COL21A1: variants seen among roughly 807,000 people sequenced by gnomAD.
COL21A1 encodes the protein collagen alpha-1(XXI) chain.
In COL21A1, 149 loss-of-function variants were observed where a neutral mutation model predicts 137.9. That is an observed-to-expected ratio of 1.08 (90% CI 0.95 to 1.24). The LOEUF is 1.24. Among genes scored for constraint, COL21A1 ranks in the 50% most tolerant of loss-of-function variants. The pLI is 0.00. For missense variants in COL21A1, 1,167 were observed against 1,158.4 expected (o/e 1.01, Z -0.11); for synonymous variants, 456 against 391.5 (o/e 1.16, Z -1.95).
At chr6:56,267,911 C>T (rs1763432860) in intron 1 of COL21A1, among the ~76,000 whole-genome samples, 1 of 152,092 alleles carries the variant, frequency 6.6e-6, no homozygotes, top group South Asian at 2.1e-4. Flanking sequence ...AGAAAACATA[C>T]TTTGAGCAGA....
Position 56,179,685 on chromosome 6 carries a change from T to C in COL21A1, c.533A>G (p.Glu178Gly). 1 of 1,613,976 alleles carries C rather than the reference T, an allele frequency of 6.2e-7. No individual in the cohort carries two copies. Among genetic ancestry groups the C allele is most frequent in the Non-Finnish European group, 8.5e-7 (1 of 1,179,876 alleles). Residue 178 changes from glutamate to glycine, a missense_variant, in exon 3 of 30, where the codon GAA becomes GGA. Transcript: ENST00000244728. Reference sequence around the variant, plus strand: ...AGGCTTGTTGGCAATAGCTCTAAGTTCGGCATCTTCTGTTTCTGAACCAAC... The same window carrying C: ...AGGCTTGTTGGCAATAGCTCTAAGTCCGGCATCTTCTGTTTCTGAACCAAC... Reference protein sequence around the residue: ...IGVGSETEDAELRAIANKPSS... With the variant: ...IGVGSETEDAGLRAIANKPSS...
intron 1 of COL21A1, among the ~76,000 whole-genome samples, chr6:56,257,552 T>C (rs2152330087): frequency 6.6e-6 from 1 of 152,182 alleles, no homozygotes; most frequent in Admixed American, 6.5e-5. Context: ...AGCCCCCAAA[T>C]TGTGGATTGG....
intron 9 of COL21A1, among the ~76,000 whole-genome samples, chr6:56,161,739 A>G (rs1298280273): frequency 6.6e-6 from 1 of 152,166 alleles, no homozygotes; most frequent in Non-Finnish European, 1.5e-5. Flanking sequence ...GATGCCTGAT[A>G]AAGAGTTACA....
chr6:56,364,444 T>C (rs1255633310), intron 1 of COL21A1, among the ~76,000 whole-genome samples: 2 of 152,212 alleles, frequency 1.3e-5, no homozygotes, highest in Non-Finnish European at 2.9e-5. Flanking sequence ...AACAGATGAA[T>C]AAGGTTTCCC....
chr6:56,208,309 GA>G (rs1779927107), intron 1 of COL21A1, among the ~76,000 whole-genome samples: 1 of 152,188 alleles, frequency 6.6e-6, no homozygotes, highest in South Asian at 2.1e-4. Context: ...TCCTTAAGCT[GA>G]TAAGCAACTT....
chr6:56,280,756 T>C (rs1022156145), intron 1 of COL21A1, among the ~76,000 whole-genome samples: 24 of 152,162 alleles, frequency 1.6e-4, no homozygotes, highest in Non-Finnish European at 5.9e-5. Flanking sequence ...CTCACGACTA[T>C]AATCCTAACA....
At chr6:56,336,190 A>G (rs1765327600) in intron 1 of COL21A1, among the ~76,000 whole-genome samples, 1 of 152,178 alleles carries the variant, frequency 6.6e-6, no homozygotes, top group Admixed American at 6.5e-5. Flanking sequence ...TTCCCCACTG[A>G]CCAAATCAAG....
chr6:56,174,087 C>T (rs1003749683), intron 3 of COL21A1, among the ~76,000 whole-genome samples: 1 of 151,842 alleles, frequency 6.6e-6, no homozygotes, highest in African/African-American at 2.4e-5. Context: ...TTTTGAATAG[C>T]CATCAGGTCA....
At chr6:56,120,836 T>TATGATCC (rs1431260140) in intron 16 of COL21A1, among the ~76,000 whole-genome samples, 6 of 150,468 alleles carry the variant, frequency 4.0e-5, no homozygotes, top group Non-Finnish European at 8.9e-5. Flanking sequence ...GGAGCTACCA[T>TATGATCC]ATGATCCAGC....
chr6:56,129,027 T>C (rs1007839747), intron 12 of COL21A1, among the ~76,000 whole-genome samples: 5 of 152,190 alleles, frequency 3.3e-5, no homozygotes, highest in Admixed American at 1.3e-4. Context: ...CTTTCTCTTC[T>C]CCAGAAAATA....
intron 1 of COL21A1, among the ~76,000 whole-genome samples, chr6:56,384,942 T>C (rs1344215756): frequency 6.6e-6 from 1 of 152,120 alleles, no homozygotes; most frequent in Non-Finnish European, 1.5e-5. Context: ...AAGGTCACAA[T>C]TGCAAGGATA....
intron 1 of COL21A1, among the ~76,000 whole-genome samples, chr6:56,385,628 T>A (rs1331711270): frequency 6.6e-6 from 1 of 152,116 alleles, no homozygotes; most frequent in Admixed American, 6.6e-5. Context: ...ATATAGTACA[T>A]CCACAGTGTT....
intron 1 of COL21A1, among the ~76,000 whole-genome samples, chr6:56,281,091 A>G (rs1046004370): frequency 1.3e-5 from 2 of 152,158 alleles, no homozygotes; most frequent in Non-Finnish European, 2.9e-5. Flanking sequence ...CTTTCCTATG[A>G]TCCTCACAGC....
At chr6:56,102,660 C>A (rs1399973813) in intron 16 of COL21A1, among the ~76,000 whole-genome samples, 4 of 152,106 alleles carry the variant, frequency 2.6e-5, no homozygotes, top group Non-Finnish European at 5.9e-5. Flanking sequence ...AAATAAAGCA[C>A]AGAAGCACCT....
upstream of COL21A1, among the ~76,000 whole-genome samples, chr6:56,252,376 C>T (rs1197137171): frequency 6.6e-6 from 1 of 152,146 alleles, no homozygotes; most frequent in Non-Finnish European, 1.5e-5. Context: ...ACTTGCAGTA[C>T]CCTGCTTCTA....
intron 24 of COL21A1, among the ~76,000 whole-genome samples, chr6:56,063,260 C>T (rs1765964724): frequency 6.6e-6 from 1 of 152,140 alleles, no homozygotes; most frequent in Admixed American, 6.6e-5. Context: ...AGCCAGTGAG[C>T]TAGCTAAGTT....
intron 1 of COL21A1, among the ~76,000 whole-genome samples, chr6:56,308,847 A>G (rs1471736964): frequency 6.6e-6 from 1 of 152,190 alleles, no homozygotes; most frequent in Non-Finnish European, 1.5e-5. Flanking sequence ...GGGTAAATAT[A>G]AAACATTTCC....
intron 23 of COL21A1, among the ~76,000 whole-genome samples, chr6:56,066,977 ATGTGTG>A (rs1194811264): frequency 1.4e-5 from 2 of 146,546 alleles, no homozygotes; most frequent in African/African-American, 5.0e-5. Context: ...ATATATATAT[ATGTGTG>A]TGTGTGTGTG....
At chr6:56,206,398 C>T (rs1233603310) in intron 1 of COL21A1, among the ~76,000 whole-genome samples, 2 of 150,906 alleles carry the variant, frequency 1.3e-5, no homozygotes, top group South Asian at 4.2e-4. Flanking sequence ...CAAAGAAGGG[C>T]ATTACATAAT....
Sources: gnomAD v4.1 joint callset for allele counts (sites outside exome capture counted in the v4.1 genomes callset) on GRCh38, gnomAD v4.1.1 for gene constraint, MANE v1.5 for transcripts, NCBI Gene and HGNC (gene_info 2026-07-23, HGNC 2026-07-21) for gene names.